Variants in CHAF1A observed in about 807,000 individuals in gnomAD.
The protein encoded by CHAF1A is CAF-1 subunit A.
CHAF1A carries 5 observed loss-of-function variants against 93.2 expected under a neutral mutation model. That is an observed-to-expected ratio of 0.05 (90% confidence interval 0.03 to 0.11). CHAF1A has a LOEUF of 0.11. Among genes scored for constraint, CHAF1A ranks in the 10% least tolerant of loss-of-function variants. CHAF1A has a pLI of 1.00. For missense variants in CHAF1A, 1,102 were observed against 1,259.9 expected (o/e 0.87, Z 1.90); for synonymous variants, 504 against 510.3 (o/e 0.99, Z 0.17).
intron 3 of CHAF1A, among the ~76,000 whole-genome samples, chr19:4,413,200 T>C (rs1186376224): frequency 6.6e-6 from 1 of 152,150 alleles, no homozygotes; most frequent in East Asian, 1.9e-4. Context: ...ACCTCCCAAG[T>C]AGCTGGGATT....
At chr19:4,413,273 T>C (rs1220088432) in intron 3 of CHAF1A, among the ~76,000 whole-genome samples, 2 of 152,208 alleles carry the variant, frequency 1.3e-5, no homozygotes, top group African/African-American at 4.8e-5. Context: ...GGTTTCACCG[T>C]GTTGGACAGG....
chr19:4,421,284 G>C (rs1478876411), intron 4 of CHAF1A, among the ~76,000 whole-genome samples: 4 of 151,864 alleles, frequency 2.6e-5, no homozygotes, highest in Non-Finnish European at 4.4e-5. Flanking sequence ...TTCTTGGCCA[G>C]GCTGGTCTCA....
At chr19:4,431,563 C>T (rs900999199) in intron 11 of CHAF1A, among the ~76,000 whole-genome samples, 1 of 152,088 alleles carries the variant, frequency 6.6e-6, no homozygotes, top group Non-Finnish European at 1.5e-5. Context: ...ATCTGACCAC[C>T]GAGGCCTGAA....
At chr19:4,439,641 TG>T (rs1451227151) in intron 13 of CHAF1A, among the ~76,000 whole-genome samples, 1 of 152,248 alleles carries the variant, frequency 6.6e-6, no homozygotes, top group Non-Finnish European at 1.5e-5. Context: ...CATGTTCTTT[TG>T]TTTAACGTCC....
chr19:4,427,571 C>T (rs1367970085), intron 7 of CHAF1A, among the ~76,000 whole-genome samples: 1 of 150,778 alleles, frequency 6.6e-6, no homozygotes, highest in Non-Finnish European at 1.5e-5. Context: ...CACCACCATG[C>T]CAAGCTAATT....
At position 4,432,002 on chromosome 19, in the gene CHAF1A, G is replaced by A. The variant is rs186255207; in HGVS notation, c.1998G>A (p.Lys666=). 7 of 1,613,996 alleles carry A rather than the reference G, an allele frequency of 4.3e-6. No homozygotes were observed. Among genetic ancestry groups the A allele is most frequent in the African/African-American group, 1.3e-5 (1 of 75,040 alleles). ...AGGTCCGCCAGAAACTGAAGGCCAA[G>A]GAGTGGGACGAGTTCCTGGCTAAGG... The part of the protein sequence containing the change: ...NHKVRQKLKA[K]EWDEFLAKGK... The change falls in exon 12 of 15, where the codon AAG becomes AAA. Residue 666 remains lysine, a synonymous_variant. Coordinates refer to ENST00000301280, the MANE Select transcript of CHAF1A (RefSeq NM_005483.3).
downstream of CHAF1A, chr19:4,446,714 G>A (rs762910074): frequency 6.2e-7 from 1 of 1,608,762 alleles, no homozygotes; most frequent in Non-Finnish European, 8.5e-7. Flanking sequence ...AACTCCTCGG[G>A]GTCCTCTACA....
chr19:4,408,461 C>CTTT lies in CHAF1A; in HGVS notation c.104-414_104-412dup, dbSNP rs778100682. Among the ~76,000 whole-genome samples, 143 of 36,018 alleles carry CTTT rather than the reference C, an allele frequency of 4.0e-3. 30 individuals carry two copies. The highest frequency in any genetic ancestry group is 0.017 in the African/African-American group (100 of 5,962). 23.6% of individuals were successfully genotyped at this position (36,018 alleles called of 152,430 possible). A position where few individuals can be genotyped will look rare whatever the true frequency, so the allele number is the denominator to read the frequency against. The stretch of plus-strand genomic sequence containing the variant: ...CCTGCCTTGGCCTCCCGCACCCGGC[C>CTTT]TTTTTTTTTTTTTTTTTTTTTTTTT... On this transcript the variant is annotated intron_variant, in intron 2 of 14. Transcript: ENST00000301280.
intron 9 of CHAF1A, 23 bp downstream of exon 9, chr19:4,429,629 C>T (rs777739774): frequency 6.2e-7 from 1 of 1,614,086 alleles, no homozygotes; most frequent in Non-Finnish European, 8.5e-7. Context: ...CAGAGTGCCT[C>T]CGTCCCCGTA....
chr19:4,415,822 A>G (rs1419680564), intron 3 of CHAF1A, among the ~76,000 whole-genome samples: 4 of 152,164 alleles, frequency 2.6e-5, no homozygotes, highest in Non-Finnish European at 5.9e-5. Context: ...GAGCTCATTC[A>G]TCTGAAGCTT....
At chr19:4,448,326 G>C, downstream of CHAF1A, 1 of 1,606,504 alleles carries the variant, frequency 6.2e-7, no homozygotes, top group Non-Finnish European at 8.5e-7. Flanking sequence ...ACTTGGCAAT[G>C]GTGTCCACAC....
At chr19:4,444,008 C>T (rs751332979), downstream of CHAF1A, among the ~76,000 whole-genome samples, 47 of 152,222 alleles carry the variant, frequency 3.1e-4, no homozygotes, top group African/African-American at 1.0e-3. Flanking sequence ...GACGGCAGGG[C>T]GCCCGGGCCA....
chr19:4,428,983 C>T, intron 8 of CHAF1A, 93 bp downstream of exon 8: 2 of 1,002,456 alleles, frequency 2.0e-6, no homozygotes, highest in African/African-American at 1.6e-5. Context: ...GCTCTGGGTC[C>T]TTCTGTTGCT....
chr19:4,437,151 C>T lies in CHAF1A; in HGVS notation c.2673+3612C>T, dbSNP rs368089597. Among the ~76,000 whole-genome samples the T allele has an allele frequency of 4.0e-5, 6 of 151,398 alleles. No individual in the cohort carries two copies. In the East Asian group the frequency reaches 7.7e-4, roughly 19 times the overall value. Reference sequence around the variant, plus strand: ...GTGCAGCGGACGCACGAAGGTCACACGTGAAGGAATGGAGACCCAGGCCCA... The same window carrying T: ...GTGCAGCGGACGCACGAAGGTCACATGTGAAGGAATGGAGACCCAGGCCCA... On this transcript the variant is annotated intron_variant, in intron 13 of 14. Coordinates refer to ENST00000301280, the MANE Select transcript of CHAF1A (RefSeq NM_005483.3).
rs549709763 is a variant in CHAF1A at position 4,433,175 on chromosome 19, C to A, written c.2309C>A (p.Thr770Asn). The A allele has an allele frequency of 6.2e-7, 1 of 1,613,668 alleles. No homozygotes were observed. The highest frequency in any genetic ancestry group is 2.2e-5 in the East Asian group (1 of 44,878). ...CGCCGGGGACTGCTCAGCAACCACA[C>A]CGGCAGCCCGCGGAGCCCCTCCACC... is the stretch of plus-strand genomic sequence containing the variant. Reference protein sequence around the residue: ...HCRRGLLSNHTGSPRSPSTTY... With the variant: ...HCRRGLLSNHNGSPRSPSTTY... The change falls in exon 13 of 15, where the codon ACC (threonine) becomes AAC (asparagine). Residue 770 changes from threonine to asparagine, a missense_variant. This residue lies in a region of CHAF1A where 335 missense variants were observed against 361.9 expected (regional missense o/e 0.93). Coordinates refer to ENST00000301280, the MANE Select transcript of CHAF1A (RefSeq NM_005483.3). This position sits in a 1 kb window ranked among gnomAD's most constrained non-coding sequence, Gnocchi z 5.6.
chr19:4,441,632 C>G (rs1974390519), intron 13 of CHAF1A, among the ~76,000 whole-genome samples: 1 of 150,166 alleles, frequency 6.7e-6, no homozygotes, highest in Admixed American at 6.6e-5. Context: ...AAAGGCCAGG[C>G]ATGGTGGCTC....
At chr19:4,407,793 C>G (rs1467023763) in intron 2 of CHAF1A, among the ~76,000 whole-genome samples, 2 of 151,858 alleles carry the variant, frequency 1.3e-5, no homozygotes, top group Non-Finnish European at 2.9e-5. Flanking sequence ...ACTAAAAATA[C>G]AAAAATTAGC....
chr19:4,429,929 G>A (rs1974150941), intron 10 of CHAF1A, 141 bp downstream of exon 10: 1 of 702,258 alleles, frequency 1.4e-6, no homozygotes, highest in Admixed American at 2.9e-5. Flanking sequence ...TCTGAAACCT[G>A]AACGCACCTC....
At chr19:4,427,220 G>A (rs1180266560) in intron 7 of CHAF1A, among the ~76,000 whole-genome samples, 4 of 127,726 alleles carry the variant, frequency 3.1e-5, no homozygotes, top group Non-Finnish European at 3.2e-5. Context: ...CGTGATCTGG[G>A]CTCACTGCAA....
Sources: allele counts gnomAD v4.1 joint callset (sites outside exome capture counted in the v4.1 genomes callset), GRCh38; gene constraint gnomAD v4.1.1; regional missense constraint gnomAD v4.1.1; non-coding constraint Gnocchi (gnomAD v3.1); transcripts MANE v1.5; gene names NCBI Gene and HGNC (gene_info 2026-07-23, HGNC 2026-07-21).